PACS1: variants seen among roughly 807,000 people sequenced by gnomAD.
PACS1 encodes the protein phosphofurin acidic cluster sorting protein 1.
A neutral mutation model predicts 115.0 loss-of-function variants in PACS1; 24 were observed. That is an observed-to-expected ratio of 0.21 (90% CI 0.15 to 0.29). The LOEUF is 0.29. PACS1 is among the 10% of genes least tolerant of loss of function. The pLI is 1.00. For synonymous variants in PACS1, 453 were observed against 504.5 expected, an observed-to-expected ratio of 0.90 and a Z score of 1.37; for missense variants, 838 against 1,251.2, an observed-to-expected ratio of 0.67 and a Z score of 4.98.
intron 10 of PACS1, among the ~76,000 whole-genome samples, chr11:66,222,458 C>G (rs2134721379): frequency 6.6e-6 from 1 of 152,272 alleles, no homozygotes; most frequent in Non-Finnish European, 1.5e-5. Flanking sequence ...CTCAGCAGAT[C>G]ACAGGCAGGG....
chr11:66,169,594 G>A (rs182588186), intron 1 of PACS1, among the ~76,000 whole-genome samples: 2,747 of 72,618 alleles, frequency 0.038, 53 homozygotes, highest in Middle Eastern at 0.21. Flanking sequence ...TGTATCTTTA[G>A]TAGAGATGGG....
chr11:66,104,678 G>C (rs1031734547), intron 1 of PACS1, among the ~76,000 whole-genome samples: 2 of 152,166 alleles, frequency 1.3e-5, no homozygotes, highest in African/African-American at 4.8e-5. Flanking sequence ...TAGAGTATAT[G>C]GATTAGAAAC....
chr11:66,161,477 TAAATAA>T (rs1279662806), intron 1 of PACS1, among the ~76,000 whole-genome samples: 1 of 151,524 alleles, frequency 6.6e-6, no homozygotes, highest in Non-Finnish European at 1.5e-5. Flanking sequence ...AAACACCAAA[TAAATAA>T]AAATAAAGAA....
chr11:66,127,213 A>G (rs1481383373), intron 1 of PACS1, among the ~76,000 whole-genome samples: 1 of 152,190 alleles, frequency 6.6e-6, no homozygotes, highest in Non-Finnish European at 1.5e-5. Context: ...TGAGACTCAC[A>G]TGTCTCCCCG....
intron 1 of PACS1, among the ~76,000 whole-genome samples, chr11:66,135,585 C>T (rs1858820712): frequency 6.6e-6 from 1 of 151,884 alleles, no homozygotes; most frequent in African/African-American, 2.4e-5. Context: ...CACCCAGACA[C>T]ACTGTGCACA....
chr11:66,074,940 T>TG (rs1451001668), intron 1 of PACS1, among the ~76,000 whole-genome samples: 30 of 63,296 alleles, frequency 4.7e-4, no homozygotes, highest in Admixed American at 3.0e-3. Context: ...TTTTTTTTGG[T>TG]GTTTTTTTTT....
intron 1 of PACS1, among the ~76,000 whole-genome samples, chr11:66,093,184 T>G (rs1287544107): frequency 1.3e-5 from 2 of 152,194 alleles, no homozygotes; most frequent in Non-Finnish European, 2.9e-5. Context: ...TATCCTCTTT[T>G]ATTTCATTGA....
chr11:66,202,742 A>AATAT lies in PACS1; in HGVS notation c.445-7583_445-7580dup, dbSNP rs56203680. ...CATCTCTAGGAAAAAAAAAAAAAAA[A>AATAT]ATATATATATATATATATATATATA... is the stretch of plus-strand genomic sequence containing the variant. On this transcript the variant is annotated intron_variant, in intron 2 of 23. Transcript: ENST00000320580. 2.3e-3 allele frequency among the ~76,000 whole-genome samples: 161 copies of AATAT among 71,494 alleles called. 1 individual carries two copies. Among genetic ancestry groups the AATAT allele is most frequent in the Middle Eastern group, 7.1e-3 (1 of 140 alleles). 46.9% of individuals were successfully genotyped at this position (71,494 alleles called of 152,430 possible).
At chr11:66,146,899 A>G (rs1219291137) in intron 1 of PACS1, among the ~76,000 whole-genome samples, 1 of 152,160 alleles carries the variant, frequency 6.6e-6, no homozygotes, top group Non-Finnish European at 1.5e-5. Context: ...CTACTAAAAA[A>G]TACAAAAATT....
At chr11:66,169,070 G>A (rs1399112586) in intron 1 of PACS1, among the ~76,000 whole-genome samples, 1 of 150,266 alleles carries the variant, frequency 6.7e-6, no homozygotes, top group Admixed American at 6.6e-5. Context: ...AGCTAGTCTT[G>A]ACAACAGTAT....
At chr11:66,091,901 T>A (rs1424807790) in intron 1 of PACS1, among the ~76,000 whole-genome samples, 1 of 152,106 alleles carries the variant, frequency 6.6e-6, no homozygotes, top group Non-Finnish European at 1.5e-5. Context: ...TGTGCCACAT[T>A]TTCTTAATCC....
In PACS1 at chr11:66,233,969, G is replaced by A. The variant is rs748482612; in HGVS notation, c.1993+30G>A. On this transcript the variant is annotated intron_variant, in intron 16 of 23. Transcript: ENST00000320580. This position sits in a 1 kb window ranked among gnomAD's most constrained non-coding sequence, Gnocchi z 4.5. ...AGACGGGAGGCACCAGGAGGGCGTC[G>A]GGCATGAGGGTTCCATAGACAGATG... 5.1e-6 allele frequency: 8 copies of A among 1,565,708 alleles called. No homozygotes were observed. The South Asian group carries it at 6.0e-5, about 12-fold the overall frequency.
intron 2 of PACS1, among the ~76,000 whole-genome samples, chr11:66,207,335 C>CTAAAAATACAAA (rs1264275646): frequency 1.3e-5 from 2 of 152,060 alleles, no homozygotes; most frequent in African/African-American, 4.8e-5. Context: ...GGCGTGATGG[C>CTAAAAATACAAA]ACTCACCTGT....
intron 1 of PACS1, among the ~76,000 whole-genome samples, chr11:66,185,278 A>G (rs1390602986): frequency 6.6e-6 from 1 of 152,198 alleles, no homozygotes; most frequent in Non-Finnish European, 1.5e-5. Context: ...TATTTTCAGA[A>G]TGCCTATGTA....
chr11:66,121,650 T>C (rs1858444650), intron 1 of PACS1, among the ~76,000 whole-genome samples: 1 of 152,194 alleles, frequency 6.6e-6, no homozygotes, highest in South Asian at 2.1e-4. Context: ...AACAACCTTA[T>C]TGCTGATGTG....
At chr11:66,175,439 A>T (rs1859834296) in intron 1 of PACS1, among the ~76,000 whole-genome samples, 1 of 152,070 alleles carries the variant, frequency 6.6e-6, no homozygotes, top group Non-Finnish European at 1.5e-5. Flanking sequence ...TTTTTTTGCC[A>T]TTGGCCCTTT....
At chr11:66,145,858 T>G (rs1257339551) in intron 1 of PACS1, among the ~76,000 whole-genome samples, 4 of 151,956 alleles carry the variant, frequency 2.6e-5, no homozygotes. Flanking sequence ...CAAGTCAGGC[T>G]TAAAAATAAA....
rs183191522 is a variant in PACS1 at position 66,091,075 on chromosome 11, G to T, written c.356+20233G>T. On this transcript the variant is annotated intron_variant, in intron 1 of 23. Coordinates refer to ENST00000320580, the MANE Select transcript of PACS1 (RefSeq NM_018026.4). ...ATACAGATTCTTAGAAAAGACAAAT[G>T]CTCCTTTTAATTGTGTTTTTGTTTC... is the stretch of plus-strand genomic sequence containing the variant. 5.9e-5 allele frequency among the ~76,000 whole-genome samples: 9 copies of T among 152,154 alleles called. No homozygotes were observed. In the East Asian group the frequency reaches 1.7e-3, roughly 29 times the overall value.
intron 1 of PACS1, among the ~76,000 whole-genome samples, chr11:66,104,217 T>C (rs535818806): frequency 6.9e-4 from 105 of 152,098 alleles, no homozygotes; most frequent in African/African-American, 2.1e-3. Context: ...CGTGTGTAAG[T>C]GAAAGGTAAT....
Sources: allele counts gnomAD v4.1 joint callset (sites outside exome capture counted in the v4.1 genomes callset), GRCh38; gene constraint gnomAD v4.1.1; non-coding constraint Gnocchi (gnomAD v3.1); transcripts MANE v1.5; gene names NCBI Gene and HGNC (gene_info 2026-07-23, HGNC 2026-07-21).